The following BRAF variants were observed in gnomAD, a reference collection of about 807,000 sequenced individuals.
The protein encoded by BRAF is serine/threonine-protein kinase B-raf.
In BRAF, 16 loss-of-function variants were observed where a neutral mutation model predicts 104.6. The ratio of observed to expected loss-of-function variants is 0.15; its 90% CI spans 0.10 to 0.23. The LOEUF is 0.23. Among genes scored for constraint, BRAF ranks in the 10% least tolerant of loss-of-function variants. BRAF has a pLI of 1.00. For synonymous variants in BRAF, 310 were observed against 341.6 expected (o/e 0.91, Z 1.02); for missense variants, 541 against 937.3 (o/e 0.58, Z 5.52).
chr7:140,755,969 T>C (rs970277414), intron 14 of BRAF, among the ~76,000 whole-genome samples: 1 of 151,990 alleles, frequency 6.6e-6, no homozygotes, highest in Non-Finnish European at 1.5e-5. Flanking sequence ...TACAGAGGCA[T>C]GCTGAAGATA....
intron 2 of BRAF, among the ~76,000 whole-genome samples, chr7:140,841,231 G>A (rs1229793691): frequency 6.6e-6 from 1 of 151,904 alleles, no homozygotes; most frequent in Non-Finnish European, 1.5e-5. Context: ...AAAACAAATA[G>A]ATAATAACAA....
intron 1 of BRAF, among the ~76,000 whole-genome samples, chr7:140,902,222 C>CA (rs1815726997): frequency 6.6e-6 from 1 of 152,188 alleles, no homozygotes; most frequent in South Asian, 2.1e-4. Flanking sequence ...CAAACTTCTG[C>CA]ATTATTATGC....
At chr7:140,859,687 T>A in intron 1 of BRAF, among the ~76,000 whole-genome samples, 1 of 101,134 alleles carries the variant, frequency 9.9e-6, no homozygotes. Flanking sequence ...GATTGTAAAT[T>A]TTTTTTTTTT....
chr7:140,888,824 A>G (rs990954908), intron 1 of BRAF, among the ~76,000 whole-genome samples: 37 of 150,230 alleles, frequency 2.5e-4, no homozygotes, highest in African/African-American at 9.3e-4. Flanking sequence ...AACAAAAGCA[A>G]AACTCCGTCT....
chr7:140,841,994 C>T (rs1808018964), intron 2 of BRAF, among the ~76,000 whole-genome samples: 2 of 152,110 alleles, frequency 1.3e-5, no homozygotes, highest in Non-Finnish European at 2.9e-5. Flanking sequence ...ATTATTCTTA[C>T]TCTCACAAGA....
intron 17 of BRAF, among the ~76,000 whole-genome samples, chr7:140,742,867 A>T (rs535208081): frequency 6.6e-6 from 1 of 151,888 alleles, no homozygotes; most frequent in Non-Finnish European, 1.5e-5. Flanking sequence ...AACTCAAACA[A>T]ATTTACAAGA....
chr7:140,762,601 CTGTT>C (rs1399737824), intron 14 of BRAF, among the ~76,000 whole-genome samples: 2 of 122,230 alleles, frequency 1.6e-5, no homozygotes, highest in Non-Finnish European at 3.4e-5. Context: ...AATCCAGGAG[CTGTT>C]TTTTTTTTTT....
chr7:140,924,753 G>A lies in BRAF; in HGVS notation c.-50C>T. ...AGCGGCCGCTGTCGGGCGGGGAGGG[G>A]GAAGGGAGGCGGAGAGCTGGGGGAG... On this transcript the variant is annotated 5_prime_UTR_variant, in exon 1 of 20. Transcript: ENST00000644969. This position sits in a 1 kb window ranked among gnomAD's most constrained non-coding sequence, Gnocchi z 4.2. 8 of 696,382 alleles carry A rather than the reference G, an allele frequency of 1.1e-5. No homozygotes were observed. Among genetic ancestry groups the A allele is most frequent in the Non-Finnish European group, 7.3e-6 (3 of 410,588 alleles). 43.1% of individuals were successfully genotyped at this position (696,382 alleles called of 1,614,324 possible).
At chr7:140,809,451 G>C (rs948898962) in intron 3 of BRAF, among the ~76,000 whole-genome samples, 1 of 152,146 alleles carries the variant, frequency 6.6e-6, no homozygotes. Context: ...AAAAAAACCT[G>C]TCTTAACATG....
At chr7:140,775,157 G>A (rs973746799) in intron 14 of BRAF, among the ~76,000 whole-genome samples, 1 of 152,064 alleles carries the variant, frequency 6.6e-6, no homozygotes, top group African/African-American at 2.4e-5. Flanking sequence ...CATATGAACC[G>A]AGACACAAGG....
chr7:140,876,201 T>C (rs929002010), intron 1 of BRAF, among the ~76,000 whole-genome samples: 1 of 152,228 alleles, frequency 6.6e-6, no homozygotes, highest in Admixed American at 6.5e-5. Flanking sequence ...AGTTTTAACA[T>C]TTCTTTAAGT....
rs970218629 is a variant in BRAF, at chr7:140,725,830, C to A, written c.*664G>T. 2.2e-5 allele frequency: 23 copies of A among 1,062,982 alleles called. No individual in the cohort carries two copies. The highest frequency in any genetic ancestry group is 4.6e-5 in the South Asian group (1 of 21,958). 65.8% of individuals were successfully genotyped at this position (1,062,982 alleles called of 1,614,324 possible). A position where few individuals can be genotyped will look rare whatever the true frequency, so the allele number is the denominator to read the frequency against. On this transcript the variant is annotated 3_prime_UTR_variant, in exon 20 of 20. Transcript: ENST00000644969. ...GAGCAAGGAAACAAAAGGCCAGAGA[C>A]CCCGGAGGTCAGGAAGAAGATGCAG...
chr7:140,881,491 G>A (rs1812915560), intron 1 of BRAF, among the ~76,000 whole-genome samples: 1 of 152,190 alleles, frequency 6.6e-6, no homozygotes, highest in Admixed American at 6.5e-5. Flanking sequence ...CTAGCCTCAA[G>A]TGATCCTCCC....
chr7:140,753,777 T>G (rs1797978520), intron 15 of BRAF: 2 of 311,190 alleles, frequency 6.4e-6, no homozygotes, highest in Non-Finnish European at 1.2e-5. Context: ...TATCTTAGTC[T>G]GCACTTAGGG....
At chr7:140,779,351 C>T (rs1800631804) in intron 12 of BRAF, among the ~76,000 whole-genome samples, 1 of 152,172 alleles carries the variant, frequency 6.6e-6, no homozygotes, top group South Asian at 2.1e-4. Flanking sequence ...ATTCTCCCAC[C>T]TCAGCCTCCT....
At chr7:140,903,161 G>A (rs1563027521) in intron 1 of BRAF, among the ~76,000 whole-genome samples, 1 of 151,878 alleles carries the variant, frequency 6.6e-6, no homozygotes, top group Admixed American at 6.6e-5. Flanking sequence ...CCCGGCCTCA[G>A]GTGATCCGCC....
chr7:140,807,457 G>A (rs2129047658), intron 5 of BRAF, among the ~76,000 whole-genome samples: 1 of 151,734 alleles, frequency 6.6e-6, no homozygotes, highest in East Asian at 1.9e-4. Context: ...AGATGTCCGT[G>A]ACATCCTGTT....
intron 1 of BRAF, among the ~76,000 whole-genome samples, chr7:140,906,105 A>AAAAAAAAAAAAAAAG (rs1563029463): frequency 6.7e-6 from 1 of 150,270 alleles, no homozygotes; most frequent in African/African-American, 2.5e-5. Flanking sequence ...AAAAAAAAAA[A>AAAAAAAAAAAAAAAG]AAAGAAATTA....
chr7:140,722,671 C>T lies in BRAF; in HGVS notation c.*3823G>A. On this transcript the variant is annotated 3_prime_UTR_variant, in exon 20 of 20. Transcript: ENST00000644969. ...TTGCAAAAAGAGTAATCATTCTACC[C>T]TCTTAGCTGGGTGGTCTTTCTATGA... 5.7e-6 allele frequency: 6 copies of T among 1,052,364 alleles called. No homozygotes were observed. Among genetic ancestry groups the T allele is most frequent in the Non-Finnish European group, 6.9e-6 (6 of 871,106 alleles). 65.2% of individuals were successfully genotyped at this position (1,052,364 alleles called of 1,614,324 possible).
Sources: allele counts gnomAD v4.1 joint callset (sites outside exome capture counted in the v4.1 genomes callset), GRCh38; gene constraint gnomAD v4.1.1; non-coding constraint Gnocchi (gnomAD v3.1); transcripts MANE v1.5; gene names NCBI Gene and HGNC (gene_info 2026-07-23, HGNC 2026-07-21).